NLGN1: variants seen among roughly 807,000 people sequenced by gnomAD.
The protein encoded by NLGN1 is neuroligin 1, also known as neuroligin-1.
A neutral mutation model predicts 65.5 loss-of-function variants in NLGN1; 12 were observed. That is an observed-to-expected ratio of 0.18 (90% confidence interval 0.12 to 0.30). The LOEUF is 0.30. NLGN1 is among the 10% of genes least tolerant of loss of function. NLGN1 has a pLI of 1.00. For missense variants in NLGN1, 750 were observed against 1,007.1 expected (o/e 0.74, Z 3.46); for synonymous variants, 350 against 359.5 (o/e 0.97, Z 0.30).
chr3:173,762,944 A>G (rs1778201846), intron 3 of NLGN1, among the ~76,000 whole-genome samples: 1 of 136,526 alleles, frequency 7.3e-6, no homozygotes, highest in African/African-American at 2.8e-5. Flanking sequence ...AGGCAATGGG[A>G]TTGTGTAAAT....
intron 3 of NLGN1, among the ~76,000 whole-genome samples, chr3:173,691,627 G>C (rs1765474958): frequency 6.6e-6 from 1 of 152,050 alleles, no homozygotes; most frequent in Admixed American, 6.6e-5. Context: ...AGTTAGGAGA[G>C]ACCTTAGAGG....
chr3:173,845,860 T>C (rs919655381), intron 4 of NLGN1, among the ~76,000 whole-genome samples: 1 of 152,302 alleles, frequency 6.6e-6, no homozygotes, highest in African/African-American at 2.4e-5. Context: ...AAGTGTTTTT[T>C]AATTAAAATT....
intron 3 of NLGN1, 80 bp downstream of exon 2, chr3:173,605,171 G>T: frequency 1.7e-6 from 2 of 1,147,844 alleles, no homozygotes; most frequent in Non-Finnish European, 2.4e-6. Context: ...TAATTCATGT[G>T]TACTGGTAGT....
At chr3:173,995,966 G>A (rs1032713191) in intron 4 of NLGN1, among the ~76,000 whole-genome samples, 2 of 152,114 alleles carry the variant, frequency 1.3e-5, no homozygotes, top group Non-Finnish European at 2.9e-5. Context: ...GATTATAGGT[G>A]TAAGCCACTG....
chr3:174,208,929 TTG>T (rs1231052631), intron 4 of NLGN1, among the ~76,000 whole-genome samples: 1 of 152,292 alleles, frequency 6.6e-6, no homozygotes, highest in East Asian at 1.9e-4. Flanking sequence ...TCTGTTGTTG[TTG>T]TTTCTTTTTT....
intron 4 of NLGN1, among the ~76,000 whole-genome samples, chr3:173,808,462 T>C (rs999297586): frequency 3.9e-5 from 6 of 152,292 alleles, no homozygotes; most frequent in African/African-American, 1.4e-4. Context: ...ATAAAAAGTA[T>C]AGAGACATAT....
At chr3:174,205,355 T>C (rs1352436395) in intron 4 of NLGN1, among the ~76,000 whole-genome samples, 1 of 152,048 alleles carries the variant, frequency 6.6e-6, no homozygotes, top group African/African-American at 2.4e-5. Context: ...TAGATTTGCA[T>C]TACTCACTCT....
intron 4 of NLGN1, among the ~76,000 whole-genome samples, chr3:174,117,647 C>A (rs1716819516): frequency 6.6e-6 from 1 of 151,690 alleles, no homozygotes; most frequent in Admixed American, 6.6e-5. Flanking sequence ...GATAAATGAA[C>A]CAGCCTGCTT....
intron 2 of NLGN1, among the ~76,000 whole-genome samples, chr3:173,553,068 CG>C (rs1741148483): frequency 6.6e-6 from 1 of 152,086 alleles, no homozygotes; most frequent in Non-Finnish European, 1.5e-5. Flanking sequence ...TTAAAATTTA[CG>C]GGGCAGTGCG....
chr3:173,645,276 C>T (rs563938330), intron 3 of NLGN1, among the ~76,000 whole-genome samples: 1 of 152,326 alleles, frequency 6.6e-6, no homozygotes, highest in East Asian at 1.9e-4. Context: ...TTTCCCTTGT[C>T]TCCTCTCCCC....
At chr3:173,855,796 C>A (rs1727837286) in intron 4 of NLGN1, among the ~76,000 whole-genome samples, 1 of 152,080 alleles carries the variant, frequency 6.6e-6, no homozygotes, top group Admixed American at 6.6e-5. Context: ...AAGGCGATAT[C>A]ACAATTCAAC....
At chr3:173,778,008 G>A (rs745331807) in intron 3 of NLGN1, among the ~76,000 whole-genome samples, 2 of 151,602 alleles carry the variant, frequency 1.3e-5, no homozygotes, top group Non-Finnish European at 3.0e-5. Flanking sequence ...TATTCCTTAA[G>A]TACTATAACC....
At chr3:174,231,899 A>G (rs376431982) in intron 4 of NLGN1, among the ~76,000 whole-genome samples, 1 of 152,162 alleles carries the variant, frequency 6.6e-6, no homozygotes, top group East Asian at 1.9e-4. Flanking sequence ...CTCCTCTATG[A>G]AGTTACATAT....
chr3:173,642,056 A>G (rs1163748328), intron 3 of NLGN1, among the ~76,000 whole-genome samples: 1 of 152,002 alleles, frequency 6.6e-6, no homozygotes, highest in Non-Finnish European at 1.5e-5. Flanking sequence ...ATATATATAT[A>G]TATTTTAATG....
intron 3 of NLGN1, among the ~76,000 whole-genome samples, chr3:173,675,065 CTTTTAA>C (rs1257912534): frequency 1.3e-5 from 2 of 151,492 alleles, no homozygotes; most frequent in African/African-American, 4.8e-5. Context: ...CAGCTGTATG[CTTTTAA>C]TTTATAAAAC....
At chr3:174,225,480 C>T (rs1305550138) in intron 4 of NLGN1, among the ~76,000 whole-genome samples, 2 of 152,112 alleles carry the variant, frequency 1.3e-5, no homozygotes, top group African/African-American at 4.8e-5. Flanking sequence ...GCCTGTAATC[C>T]CAGCACTTTG....
chr3:173,833,207 T>C (rs796931286), intron 4 of NLGN1, among the ~76,000 whole-genome samples: 15 of 152,318 alleles, frequency 9.8e-5, no homozygotes, highest in African/African-American at 3.6e-4. Flanking sequence ...TTACCTGCTC[T>C]CAATAACATA....
At chr3:173,409,391 C>A (rs1281188537) in intron 1 of NLGN1, among the ~76,000 whole-genome samples, 1 of 152,104 alleles carries the variant, frequency 6.6e-6, no homozygotes, top group Admixed American at 6.5e-5. Flanking sequence ...AAAAACTGTT[C>A]ATATTCCATA....
At chr3:173,605,953 C>G (rs1318429796) in intron 3 of NLGN1, among the ~76,000 whole-genome samples, 1 of 152,094 alleles carries the variant, frequency 6.6e-6, no homozygotes, top group Non-Finnish European at 1.5e-5. Flanking sequence ...CTCTTTTCTA[C>G]AGATATATAT....
Sources: allele counts gnomAD v4.1 joint callset (sites outside exome capture counted in the v4.1 genomes callset), GRCh38; gene constraint gnomAD v4.1.1; transcripts MANE v1.5; gene names NCBI Gene and HGNC (gene_info 2026-07-23, HGNC 2026-07-21).